ATXN1: variants seen among roughly 807,000 people sequenced by gnomAD.
The protein encoded by ATXN1 is ataxin-1.
ATXN1 carries 8 observed loss-of-function variants against 56.4 expected under a neutral mutation model. The ratio of observed to expected loss-of-function variants is 0.14; its 90% CI spans 0.08 to 0.26. The LOEUF (loss-of-function observed/expected upper bound fraction) is 0.26. Ranked by LOEUF, ATXN1 falls within the 10% of genes least tolerant of loss-of-function variation. The probability of loss-of-function intolerance (pLI) is 1.00; values close to 1 mark genes in which losing one functional copy is unlikely to be tolerated. For missense variants in ATXN1, 987 were observed against 1,106.5 expected, an observed-to-expected ratio of 0.89 and a Z score of 1.53; for synonymous variants, 514 against 494.6, an observed-to-expected ratio of 1.04 and a Z score of -0.52.
chr6:16,635,161 T>A (rs879398174), intron 3 of ATXN1, among the ~76,000 whole-genome samples: 1 of 152,176 alleles, frequency 6.6e-6, no homozygotes, highest in Non-Finnish European at 1.5e-5. Context: ...GAACTGCACA[T>A]GTGAGGGATG....
At chr6:16,507,413 T>C (rs1311635064) in intron 5 of ATXN1, among the ~76,000 whole-genome samples, 1 of 152,204 alleles carries the variant, frequency 6.6e-6, no homozygotes, top group Non-Finnish European at 1.5e-5. Flanking sequence ...GACTGACCTT[T>C]GAATACGCCA....
intron 4 of ATXN1, among the ~76,000 whole-genome samples, chr6:16,533,625 C>A: frequency 6.6e-6 from 1 of 152,122 alleles, no homozygotes; most frequent in East Asian, 1.9e-4. Flanking sequence ...TAGGAAAGGG[C>A]AAAGAGGTAA....
intron 6 of ATXN1, among the ~76,000 whole-genome samples, chr6:16,366,735 T>C (rs575000136): frequency 3.5e-4 from 51 of 147,506 alleles, no homozygotes; most frequent in African/African-American, 1.3e-3. Context: ...GAGCCGAGAC[T>C]ACACCACTAC....
intron 6 of ATXN1, among the ~76,000 whole-genome samples, chr6:16,337,402 A>G (rs1412915499): frequency 6.6e-6 from 1 of 152,226 alleles, no homozygotes; most frequent in East Asian, 1.9e-4. Context: ...GGGCGGGGCC[A>G]CAGCTTGGCT....
chr6:16,583,300 C>T (rs60261388), intron 4 of ATXN1, among the ~76,000 whole-genome samples: 10,291 of 152,194 alleles, frequency 0.068, 1,016 homozygotes, highest in African/African-American at 0.22. Context: ...AGGCTGAAGC[C>T]GTACACGTCG....
chr6:16,404,703 C>T (rs1265888441), intron 6 of ATXN1, among the ~76,000 whole-genome samples: 7 of 132,002 alleles, frequency 5.3e-5, no homozygotes, highest in Middle Eastern at 3.3e-3. Context: ...CTCGCGCGCG[C>T]GCACACACGC....
Position 16,326,553 on chromosome 6 carries a change from C to A in ATXN1, c.1758G>T (p.Glu586Asp), listed in dbSNP as rs779801263. 1 of 1,614,076 alleles carries A rather than the reference C, an allele frequency of 6.2e-7. No homozygotes were observed. The highest frequency in any genetic ancestry group is 1.3e-5 in the African/African-American group (1 of 74,938). ...TTTTTAAGTCTTCCACCTTCTTTAG[C>A]TCCCCGTTGGCCAACTGGATGATGG... ...KGSIIQLANGELKKVEDLKTE... is the reference protein window; with the variant it reads ...KGSIIQLANGDLKKVEDLKTE... Residue 586 changes from glutamate to aspartate, a missense_variant, in exon 7 of 8, where the codon GAG becomes GAT. Around this residue, in one of 3 missense-constraint regions of ATXN1, gnomAD observed 68 missense variants for 118.1 expected, o/e 0.58. Transcript: ENST00000436367. This position sits in a 1 kb window ranked among gnomAD's most constrained non-coding sequence, Gnocchi z 6.6.
At chr6:16,348,559 G>A (rs1276304545) in intron 6 of ATXN1, among the ~76,000 whole-genome samples, 1 of 152,002 alleles carries the variant, frequency 6.6e-6, no homozygotes, top group Non-Finnish European at 1.5e-5. Flanking sequence ...AAAATTAGCC[G>A]GGCTTGGTGG....
At chr6:16,374,919 A>G (rs906840566) in intron 6 of ATXN1, among the ~76,000 whole-genome samples, 25 of 152,238 alleles carry the variant, frequency 1.6e-4, no homozygotes, top group Non-Finnish European at 3.4e-4. Flanking sequence ...AATATGTCTA[A>G]TTCTGTAGGC....
chr6:16,761,169 T>C (rs1761087617), intron 1 of ATXN1, 129 bp downstream of exon 1: 1 of 364,498 alleles, frequency 2.7e-6, no homozygotes, highest in Non-Finnish European at 5.4e-6. Flanking sequence ...GGTTTTGGGT[T>C]TGTTTGCTGG....
At chr6:16,477,020 G>T (rs568054228) in intron 6 of ATXN1, among the ~76,000 whole-genome samples, 3 of 152,328 alleles carry the variant, frequency 2.0e-5, no homozygotes, top group African/African-American at 7.2e-5. Flanking sequence ...TAGTCGTGAA[G>T]GGAAAGGCAA....
intron 6 of ATXN1, among the ~76,000 whole-genome samples, chr6:16,373,702 G>A (rs1178340313): frequency 2.6e-5 from 4 of 152,118 alleles, no homozygotes; most frequent in Non-Finnish European, 5.9e-5. Flanking sequence ...CCTTTTGATT[G>A]CCTCTCATTT....
At chr6:16,396,834 C>T (rs1758468906) in intron 6 of ATXN1, among the ~76,000 whole-genome samples, 1 of 152,028 alleles carries the variant, frequency 6.6e-6, no homozygotes, top group African/African-American at 2.4e-5. Flanking sequence ...TCTAGATGCA[C>T]AAAAACTATG....
chr6:16,369,623 A>G (rs1053514095), intron 6 of ATXN1, among the ~76,000 whole-genome samples: 1 of 152,254 alleles, frequency 6.6e-6, no homozygotes, highest in South Asian at 2.1e-4. Context: ...ACAGGCATTT[A>G]AAGATGTGCA....
chr6:16,543,925 A>C, intron 4 of ATXN1, among the ~76,000 whole-genome samples: 1 of 152,236 alleles, frequency 6.6e-6, no homozygotes, highest in South Asian at 2.1e-4. Flanking sequence ...CGATTGCAGC[A>C]TGGGAAAACA....
chr6:16,507,272 C>T (rs904701246), intron 5 of ATXN1, among the ~76,000 whole-genome samples: 1 of 152,116 alleles, frequency 6.6e-6, no homozygotes, highest in Non-Finnish European at 1.5e-5. Flanking sequence ...TTTAGAAATT[C>T]TCTGCACTAT....
chr6:16,566,628 C>A (rs528884494), intron 4 of ATXN1, among the ~76,000 whole-genome samples: 1 of 151,904 alleles, frequency 6.6e-6, no homozygotes, highest in Non-Finnish European at 1.5e-5. Context: ...CCACGGCGGG[C>A]GGATCACGAG....
chr6:16,750,989 G>A (rs1297114288), intron 2 of ATXN1, among the ~76,000 whole-genome samples: 1 of 131,420 alleles, frequency 7.6e-6, no homozygotes, highest in African/African-American at 2.9e-5. Flanking sequence ...TTTTTTTTGA[G>A]ATGGAGTCTC....
At chr6:16,422,292 C>T (rs1481565934) in intron 6 of ATXN1, among the ~76,000 whole-genome samples, 2 of 152,172 alleles carry the variant, frequency 1.3e-5, no homozygotes, top group Non-Finnish European at 2.9e-5. Flanking sequence ...TTCACCGTGG[C>T]GCAGGTGAGG....
Sources: gnomAD v4.1 joint callset for allele counts (sites outside exome capture counted in the v4.1 genomes callset) on GRCh38, gnomAD v4.1.1 for gene constraint, gnomAD v4.1.1 regional missense constraint, Gnocchi (gnomAD v3.1) non-coding constraint, MANE v1.5 for transcripts, NCBI Gene and HGNC (gene_info 2026-07-23, HGNC 2026-07-21) for gene names.